The following NRG3 variants were observed in gnomAD, a reference collection of about 807,000 sequenced individuals.
The protein encoded by NRG3 is pro-neuregulin-3, membrane-bound isoform.
In NRG3, 31 loss-of-function variants were observed where a neutral mutation model predicts 66.9. The observed-to-expected ratio is 0.46, with a 90% CI of 0.35 to 0.63. NRG3 has a LOEUF of 0.63. Among genes scored for constraint, NRG3 ranks in the 20% least tolerant of loss-of-function variants. The pLI is 0.00. For synonymous variants in NRG3, 393 were observed against 359.4 expected, an observed-to-expected ratio of 1.09 and a Z score of -1.06; for missense variants, 910 against 878.9, an observed-to-expected ratio of 1.04 and a Z score of -0.45.
At chr10:82,016,981 A>T (rs528151703) in intron 1 of NRG3, among the ~76,000 whole-genome samples, 1 of 152,250 alleles carries the variant, frequency 6.6e-6, no homozygotes, top group East Asian at 1.9e-4. Context: ...CATGTGCACA[A>T]CGTGCACGTT....
intron 3 of NRG3, among the ~76,000 whole-genome samples, chr10:82,800,959 G>T (rs1299532817): frequency 6.6e-6 from 1 of 152,162 alleles, no homozygotes; most frequent in Non-Finnish European, 1.5e-5. Flanking sequence ...GAAGAGATCT[G>T]GGGAGCTGGA....
chr10:82,712,182 A>C (rs1393770095), intron 2 of NRG3, among the ~76,000 whole-genome samples: 1 of 128,954 alleles, frequency 7.8e-6, no homozygotes, highest in Non-Finnish European at 1.6e-5. Flanking sequence ...TGTTATTGGA[A>C]TAGAGGAAAA....
chr10:82,447,171 G>A (rs1423099305), intron 2 of NRG3, among the ~76,000 whole-genome samples: 2 of 152,238 alleles, frequency 1.3e-5, no homozygotes, highest in Non-Finnish European at 2.9e-5. Flanking sequence ...GAGACAGTGG[G>A]CAGAAATGGA....
chr10:81,996,909 T>G (rs1262412822), intron 1 of NRG3, among the ~76,000 whole-genome samples: 1 of 152,160 alleles, frequency 6.6e-6, no homozygotes, highest in East Asian at 1.9e-4. Flanking sequence ...AAATGGTATC[T>G]CACATAAATG....
At chr10:82,782,841 C>T (rs2060176515) in intron 3 of NRG3, among the ~76,000 whole-genome samples, 1 of 152,120 alleles carries the variant, frequency 6.6e-6, no homozygotes, top group Non-Finnish European at 1.5e-5. Context: ...AGAGGGAATC[C>T]TCCGTAACTC....
intron 1 of NRG3, among the ~76,000 whole-genome samples, chr10:82,040,038 G>A (rs865975168): frequency 6.6e-6 from 1 of 151,856 alleles, no homozygotes; most frequent in African/African-American, 2.4e-5. Flanking sequence ...TAAGAAGGAG[G>A]ATTCATACCT....
At chr10:82,574,482 C>T (rs1303248420) in intron 2 of NRG3, among the ~76,000 whole-genome samples, 1 of 151,700 alleles carries the variant, frequency 6.6e-6, no homozygotes, top group Non-Finnish European at 1.5e-5. Flanking sequence ...AGTAAAGTGA[C>T]TGCAGTTAAC....
At chr10:82,674,397 A>G (rs1300045114) in intron 2 of NRG3, among the ~76,000 whole-genome samples, 1 of 152,188 alleles carries the variant, frequency 6.6e-6, no homozygotes, top group Non-Finnish European at 1.5e-5. Flanking sequence ...TCCCTAGCTA[A>G]AAACCCAAAC....
At chr10:82,304,175 A>T (rs1374433874) in intron 1 of NRG3, among the ~76,000 whole-genome samples, 2 of 152,100 alleles carry the variant, frequency 1.3e-5, no homozygotes, top group East Asian at 3.8e-4. Flanking sequence ...GGAGGTTTGG[A>T]TTTTTAGAGC....
At chr10:81,997,939 C>T (rs1350688032) in intron 1 of NRG3, among the ~76,000 whole-genome samples, 3 of 150,502 alleles carry the variant, frequency 2.0e-5, no homozygotes, top group African/African-American at 4.9e-5. Context: ...CAGTGTAATT[C>T]CAGCCCAGTT....
intron 2 of NRG3, among the ~76,000 whole-genome samples, chr10:82,568,811 C>G (rs2045567449): frequency 6.6e-6 from 1 of 151,826 alleles, no homozygotes; most frequent in South Asian, 2.1e-4. Flanking sequence ...TAAATCCTAA[C>G]TACATTCCTG....
intron 2 of NRG3, among the ~76,000 whole-genome samples, chr10:82,418,683 C>T (rs190189900): frequency 1.4e-4 from 22 of 152,248 alleles, no homozygotes; most frequent in Admixed American, 8.5e-4. Flanking sequence ...TTACTGTAGC[C>T]TCAAATTCCA....
At chr10:81,952,842 C>T (rs1174744449) in intron 1 of NRG3, among the ~76,000 whole-genome samples, 1 of 152,042 alleles carries the variant, frequency 6.6e-6, no homozygotes, top group Non-Finnish European at 1.5e-5. Context: ...AACTCCTGGT[C>T]TCAAGTGATC....
intron 1 of NRG3, among the ~76,000 whole-genome samples, chr10:82,275,541 C>T (rs1372240145): frequency 6.6e-6 from 1 of 151,974 alleles, no homozygotes; most frequent in East Asian, 1.9e-4. Context: ...ATGTGATTTT[C>T]AGCACAGAGT....
At chr10:82,879,932 T>C (rs1247227154) in intron 4 of NRG3, among the ~76,000 whole-genome samples, 1 of 150,244 alleles carries the variant, frequency 6.7e-6, no homozygotes, top group Non-Finnish European at 1.5e-5. Flanking sequence ...CATGTTGCAT[T>C]CACTCTTCTA....
rs974229779 is a variant in NRG3 at position 82,312,516 on chromosome 10, T to G, written c.824-46223T>G. 2.6e-5 allele frequency among the ~76,000 whole-genome samples: 4 copies of G among 152,356 alleles called. No homozygotes were observed. The South Asian group carries it at 8.3e-4, about 32-fold the overall frequency. On this transcript the variant is annotated intron_variant, in intron 1 of 8. Coordinates refer to ENST00000372141, the MANE Select transcript of NRG3 (RefSeq NM_001010848.4). Reference sequence around the variant, plus strand: ...TTCTACCTCACCAGCTCCTAGCTCCTGCCGTGAAAGTTTGGGCCTGAAAGG... The same window carrying G: ...TTCTACCTCACCAGCTCCTAGCTCCGGCCGTGAAAGTTTGGGCCTGAAAGG...
intron 6 of NRG3, among the ~76,000 whole-genome samples, chr10:82,961,705 A>G (rs114581955): frequency 6.6e-5 from 10 of 152,152 alleles, no homozygotes; most frequent in Non-Finnish European, 8.8e-5. Context: ...CCCTCAACAG[A>G]AGATTATCCT....
intron 2 of NRG3, among the ~76,000 whole-genome samples, chr10:82,453,684 A>C (rs1014606042): frequency 7.0e-6 from 1 of 142,202 alleles, no homozygotes; most frequent in Non-Finnish European, 1.6e-5. Flanking sequence ...TTTTGAGCTA[A>C]AAAAAAAAAA....
At chr10:82,881,994 T>A (rs1481155151) in intron 4 of NRG3, among the ~76,000 whole-genome samples, 1 of 152,198 alleles carries the variant, frequency 6.6e-6, no homozygotes. Context: ...TTTAGTTGCA[T>A]CTTGCCACAC....
Sources: gnomAD v4.1 joint callset for allele counts (sites outside exome capture counted in the v4.1 genomes callset) on GRCh38, gnomAD v4.1.1 for gene constraint, MANE v1.5 for transcripts, NCBI Gene and HGNC (gene_info 2026-07-23, HGNC 2026-07-21) for gene names.